Variants in ZNF318 observed in about 807,000 individuals in gnomAD.
ZNF318 encodes endocrine regulator.
Under a neutral mutation model 124.2 loss-of-function variants are expected in ZNF318, and 51 were observed. The ratio of observed to expected loss-of-function variants is 0.41; its 90% CI spans 0.33 to 0.52. ZNF318 has a LOEUF of 0.52. ZNF318 is among the 20% of genes least tolerant of loss of function. ZNF318 has a pLI of 0.23. For synonymous variants in ZNF318, 1,090 were observed against 1,040.7 expected, an observed-to-expected ratio of 1.05 and a Z score of -0.91; for missense variants, 2,815 against 2,811.2, an observed-to-expected ratio of 1.00 and a Z score of -0.03.
intron 5 of ZNF318, 121 bp downstream of exon 5, chr6:43,352,256 T>TCACTACCATCATCTGATAG: frequency 1.4e-6 from 1 of 723,582 alleles, no homozygotes; most frequent in Non-Finnish European, 2.3e-6. Context: ...TTTGTAAGTT[T>TCACTACCATCATCTGATAG]AATTACGTCA....
At chr6:43,358,201 T>G (rs532018598) in intron 2 of ZNF318, among the ~76,000 whole-genome samples, 1 of 152,338 alleles carries the variant, frequency 6.6e-6, no homozygotes, top group Admixed American at 6.5e-5. Context: ...CTCCAGGTGA[T>G]TTGTCTGTAC....
chr6:43,361,033 G>C (rs79699582), intron 2 of ZNF318, among the ~76,000 whole-genome samples: 1 of 152,062 alleles, frequency 6.6e-6, no homozygotes, highest in Admixed American at 6.6e-5. Context: ...CTGAATATGC[G>C]AAAAATCACT....
chr6:43,357,213 C>T lies in ZNF318; in HGVS notation c.1101G>A (p.Leu367=), dbSNP rs1428785941. ...TCACAGATACTTCCTCAGGCCGATGCAAAGAATATCCTGGCTCCGATGCTG... is the reference window on the plus strand; with the variant it reads ...TCACAGATACTTCCTCAGGCCGATGTAAAGAATATCCTGGCTCCGATGCTG... ...VLTASEPGYS[L]HRPEEVSVMP... Residue 367 remains leucine (L), a synonymous_variant, in exon 3 of 10, where the codon TTG becomes TTA. Transcript: ENST00000361428. 6.2e-7 allele frequency: 1 copy of T among 1,614,038 alleles called. No homozygotes were observed. The highest frequency in any genetic ancestry group is 8.5e-7 in the Non-Finnish European group (1 of 1,180,046).
intron 2 of ZNF318, 40 bp from the exon 3 acceptor site, chr6:43,357,805 G>C: frequency 6.5e-7 from 1 of 1,536,776 alleles, no homozygotes; most frequent in Non-Finnish European, 8.7e-7. Context: ...AATGGACTTG[G>C]AAAGAATAAG....
chr6:43,368,872 A>G, intron 1 of ZNF318, 95 bp downstream of exon 1: 3 of 1,246,560 alleles, frequency 2.4e-6, no homozygotes, highest in Non-Finnish European at 3.0e-6. Context: ...CGCGCTTAGG[A>G]CCCTGGTCTG....
chr6:43,365,543 A>C, intron 1 of ZNF318, 103 bp from the exon 2 acceptor site: 10 of 1,212,754 alleles, frequency 8.2e-6, no homozygotes, highest in African/African-American at 1.5e-5. Flanking sequence ...ATGGTGGCTC[A>C]TGCCTGTATA....
At chr6:43,368,711 C>G in intron 1 of ZNF318, 4 of 985,464 alleles carry the variant, frequency 4.1e-6, no homozygotes, top group Non-Finnish European at 4.8e-6. Context: ...ACACCTCACC[C>G]GGCATGAGAG....
At chr6:43,348,801 A>C (rs1257973611) in intron 5 of ZNF318, among the ~76,000 whole-genome samples, 176 bp from the exon 6 acceptor site, 1 of 152,210 alleles carries the variant, frequency 6.6e-6, no homozygotes, top group East Asian at 1.9e-4. Flanking sequence ...TGGGAGACCA[A>C]GGCGGGTGAC....
rs1443309040 is a variant in ZNF318, at chr6:43,369,523, CG to C, written c.-159del. The C allele has an allele frequency of 2.3e-5, 10 of 426,154 alleles. No homozygotes were observed. Among genetic ancestry groups the C allele is most frequent in the Non-Finnish European group, 3.1e-5 (10 of 318,432 alleles). 26.4% of individuals were successfully genotyped at this position (426,154 alleles called of 1,614,324 possible). On this transcript the variant is annotated 5_prime_UTR_variant, in exon 1 of 10. Coordinates refer to ENST00000361428, the MANE Select transcript of ZNF318 (RefSeq NM_014345.3). The stretch of plus-strand genomic sequence containing the variant: ...CCCTCCCCTCGGCCCCGCGTCGCCC[CG>C]GGGGCCCGGCCGAGCGCGCCCCCGC...
chr6:43,357,221 A>G lies in ZNF318; in HGVS notation c.1093T>C (p.Tyr365His), dbSNP rs1350599638. The part of the protein sequence containing the change: ...SGVLTASEPG[Y>H]SLHRPEEVSV... ...ACTTCCTCAGGCCGATGCAAAGAAT[A>G]TCCTGGCTCCGATGCTGTTAGGACA... Residue 365 changes from tyrosine (Y) to histidine (H), a missense_variant, in exon 3 of 10, where the codon TAT becomes CAT. Tyr to His is a moderately conservative substitution (Grantham distance 83). This residue lies in a region of ZNF318 where 1,377 missense variants were observed against 1,353.5 expected (regional missense o/e 1.02). Coordinates refer to ENST00000361428, the MANE Select transcript of ZNF318 (RefSeq NM_014345.3). The G allele has an allele frequency of 6.2e-7, 1 of 1,614,180 alleles. No homozygotes were observed. The highest frequency in any genetic ancestry group is 1.7e-5 in the Admixed American group (1 of 60,026).
chr6:43,368,820 G>A, intron 1 of ZNF318, 147 bp downstream of exon 1: 1 of 1,232,398 alleles, frequency 8.1e-7, no homozygotes, highest in Non-Finnish European at 1.0e-6. Context: ...TCTGACAGAA[G>A]CCTCCAGGCT....
intron 2 of ZNF318, among the ~76,000 whole-genome samples, chr6:43,360,777 T>C (rs986069776): frequency 2.0e-5 from 3 of 152,042 alleles, no homozygotes; most frequent in Non-Finnish European, 2.9e-5. Flanking sequence ...AAAGGAATGC[T>C]ACAAACACGG....
rs1779581716 is a variant in ZNF318, at chr6:43,354,862, T to C, written c.2472A>G (p.Ile824Met). The change falls in exon 4 of 10, where the codon ATA becomes ATG. Residue 824 changes from isoleucine (I) to methionine (M), a missense_variant. This residue lies in a region of ZNF318 where 1,377 missense variants were observed against 1,353.5 expected (regional missense o/e 1.02). Transcript: ENST00000361428. ...GACGGCTACGAGTAGCTTGTTTGGT[T>C]ATTGGCATTATCCTGTGTGGTTCAG... ...PVPEPHRIMP[I>M]TKQATRSRPN... 4 of 1,614,164 alleles carry C rather than the reference T, an allele frequency of 2.5e-6. No individual in the cohort carries two copies. The highest frequency in any genetic ancestry group is 3.4e-6 in the Non-Finnish European group (4 of 1,180,024).
At position 43,357,154 on chromosome 6, in the gene ZNF318, T is replaced by C. The variant is rs778956809; in HGVS notation, c.1160A>G (p.Glu387Gly). 9.3e-6 allele frequency: 15 copies of C among 1,613,652 alleles called. No homozygotes were observed. The South Asian group carries it at 1.6e-4, about 18-fold the overall frequency. ...CATGGAGGGCTCCATTATGTCCACCTCAATCCGCTTCTTCAAAATGGATTT... is the reference window on the plus strand; with the variant it reads ...CATGGAGGGCTCCATTATGTCCACCCCAATCCGCTTCTTCAAAATGGATTT... ...PKKSILKKRI[E>G]VDIMEPSMQL... Residue 387 changes from glutamate (E) to glycine (G), a missense_variant, in exon 3 of 10, where the codon GAG (glutamate) becomes GGG (glycine). Coordinates refer to ENST00000361428, the MANE Select transcript of ZNF318 (RefSeq NM_014345.3).
At chr6:43,364,331 GAAAA>G (rs34131739) in intron 2 of ZNF318, 331 of 148,062 alleles carry the variant, frequency 2.2e-3, no homozygotes, top group Middle Eastern at 5.4e-3. Context: ...AATTAAGCCT[GAAAA>G]AAAAAAAAAA....
In ZNF318 at chr6:43,368,279, T is replaced by C. The variant is rs552120559; in HGVS notation, c.399+688A>G. On this transcript the variant is annotated intron_variant, in intron 1 of 9. Transcript: ENST00000361428. ...AGCCGTGTCACCTCAGTCGAGTTAC[T>C]TGAACCTCTCTGGGTTGGTTCCTCG... is the stretch of plus-strand genomic sequence containing the variant. 1.2e-4 allele frequency among the ~76,000 whole-genome samples: 19 copies of C among 152,350 alleles called. No homozygotes were observed. In the East Asian group the frequency reaches 3.3e-3, roughly 26 times the overall value.
rs952652844 is a variant in ZNF318 at position 43,336,111 on chromosome 6, AT to A, written c.*1046del. The stretch of plus-strand genomic sequence containing the variant: ...ATTCCAAGTAATTAACACATTAAAA[AT>A]AAAGTTAAACTTGTCCAAGCCAACT... On this transcript the variant is annotated 3_prime_UTR_variant, in exon 10 of 10. Transcript: ENST00000361428. 2.0e-5 allele frequency: 3 copies of A among 152,682 alleles called. No individual in the cohort carries two copies. The highest frequency in any genetic ancestry group is 7.2e-5 in the African/African-American group (3 of 41,460). 9.5% of individuals were successfully genotyped at this position (152,682 alleles called of 1,614,324 possible).
chr6:43,353,524 G>T (rs1779562799), intron 4 of ZNF318, among the ~76,000 whole-genome samples: 2 of 152,028 alleles, frequency 1.3e-5, no homozygotes, highest in Admixed American at 6.6e-5. Flanking sequence ...ACAGGCGCGT[G>T]CCACCACACC....
rs753616629 is a variant in ZNF318 at position 43,338,911 on chromosome 6, A to G, written c.5087T>C (p.Leu1696Ser). 3.7e-6 allele frequency: 6 copies of G among 1,614,124 alleles called. No individual in the cohort carries two copies. In the East Asian group the frequency reaches 8.9e-5, roughly 24 times the overall value. ...YETITPKTDT[L>S]AIWTSSSFQS... ...GAAGGAACTAGAGGTCCATATGGCCAAAGTGTCTGTCTTTGGGGTAATTGT... is the reference window on the plus strand; with the variant it reads ...GAAGGAACTAGAGGTCCATATGGCCGAAGTGTCTGTCTTTGGGGTAATTGT... Residue 1696 changes from leucine to serine, a missense_variant, in exon 10 of 10, where the codon TTG becomes TCG. Leu to Ser is a moderately radical substitution (Grantham distance 145, BLOSUM62 -2). This residue lies in a region of ZNF318 where 927 missense variants were observed against 820.6 expected (regional missense o/e 1.13). Transcript: ENST00000361428.
Sources: allele counts gnomAD v4.1 joint callset (sites outside exome capture counted in the v4.1 genomes callset), GRCh38; gene constraint gnomAD v4.1.1; regional missense constraint gnomAD v4.1.1; transcripts MANE v1.5; gene names NCBI Gene and HGNC (gene_info 2026-07-23, HGNC 2026-07-21).